Variants in RASEF observed in about 807,000 individuals in gnomAD.
RASEF encodes the protein ras and EF-hand domain-containing protein.
RASEF carries 68 observed loss-of-function variants against 90.1 expected under a neutral mutation model. That is an observed-to-expected ratio of 0.75 (90% CI 0.62 to 0.92). The LOEUF (loss-of-function observed/expected upper bound fraction) is 0.92. Among genes scored for constraint, RASEF ranks in the 40% least tolerant of loss-of-function variants. RASEF has a pLI of 0.00. For synonymous variants in RASEF, 331 were observed against 345.2 expected (o/e 0.96, Z 0.46); for missense variants, 949 against 937.2 (o/e 1.01, Z -0.16).
At position 83,005,511 on chromosome 9, in the gene RASEF, A is replaced by G. The variant is rs1829113349; in HGVS notation, c.1029-11T>C. 6.2e-7 allele frequency: 1 copy of G among 1,603,748 alleles called. No individual in the cohort carries two copies. The highest frequency in any genetic ancestry group is 1.7e-5 in the Admixed American group (1 of 59,980). On this transcript the variant is annotated splice_polypyrimidine_tract_variant and intron_variant, in intron 7 of 16. Coordinates refer to ENST00000376447, the MANE Select transcript of RASEF (RefSeq NM_152573.4). ...TTCCGGTTAGCTGTTCTGCAGGGTAAAGAAACAAGCAGAAAGAGAGACAAG... is the reference window on the plus strand; with the variant it reads ...TTCCGGTTAGCTGTTCTGCAGGGTAGAGAAACAAGCAGAAAGAGAGACAAG...
the RASEF span, among the ~76,000 whole-genome samples, chr9:83,082,451 TTTTA>T: frequency 4.6e-5 from 7 of 152,166 alleles, no homozygotes; most frequent in Non-Finnish European, 1.0e-4. Context: ...ATCTAACTGG[TTTTA>T]TCGTTTGCAC....
chr9:83,207,146 G>T, the RASEF span, among the ~76,000 whole-genome samples: 1 of 151,806 alleles, frequency 6.6e-6, no homozygotes, highest in African/African-American at 2.4e-5. Context: ...TACGGGACGG[G>T]TCATTACTCC....
At chr9:83,139,609 T>TGAG in the RASEF span, among the ~76,000 whole-genome samples, 1 of 152,100 alleles carries the variant, frequency 6.6e-6, no homozygotes, top group African/African-American at 2.4e-5. Context: ...ATGAGTAGGC[T>TGAG]GAGGAGGAGG....
In RASEF at chr9:82,997,040, T is replaced by C. The variant is rs1395934192; in HGVS notation, c.1892A>G (p.Asn631Ser). Residue 631 changes from asparagine to serine, a missense_variant, in exon 14 of 17, where the codon AAC becomes AGC. Physicochemically the swap from Asn to Ser is conservative, Grantham distance 46. This residue lies in a region of RASEF where 288 missense variants were observed against 328.4 expected (regional missense o/e 0.88). Transcript: ENST00000376447. ...AATCATATCTACCCATTCTCGTATG[T>C]TAAGAAAGCTTTTCTCACATGTAAC... ...YDVTCEKSFLNIREWVDMIED... is the reference protein window; with the variant it reads ...YDVTCEKSFLSIREWVDMIED... The C allele has an allele frequency of 3.1e-6, 5 of 1,608,534 alleles. No individual in the cohort carries two copies. In the Admixed American group the frequency reaches 6.7e-5, roughly 21 times the overall value.
At chr9:83,153,515 A>T in the RASEF span, among the ~76,000 whole-genome samples, 5 of 152,230 alleles carry the variant, frequency 3.3e-5, no homozygotes, top group African/African-American at 1.2e-4. Context: ...ATAGAAAGTT[A>T]TCTGAGCCCC....
intron 15 of RASEF, among the ~76,000 whole-genome samples, chr9:82,992,326 T>A (rs892161621): frequency 3.9e-5 from 6 of 152,210 alleles, no homozygotes; most frequent in Non-Finnish European, 8.8e-5. Flanking sequence ...GATGGGAGAA[T>A]AAACACTGCC....
chr9:83,049,249 T>C (rs186844246), intron 1 of RASEF: 2 of 920,368 alleles, frequency 2.2e-6, no homozygotes, highest in African/African-American at 3.6e-5. Flanking sequence ...ACAGCATCAG[T>C]ACATTTCTAA....
the RASEF span, among the ~76,000 whole-genome samples, chr9:83,096,006 A>C: frequency 7.9e-5 from 12 of 152,178 alleles, no homozygotes; most frequent in African/African-American, 2.9e-4. Context: ...AACCACTCAC[A>C]TTGAGATACC....
the RASEF span, among the ~76,000 whole-genome samples, chr9:83,171,115 C>T: frequency 1.6e-4 from 25 of 151,566 alleles, no homozygotes; most frequent in Admixed American, 5.3e-4. Context: ...TAGTTTTTAT[C>T]ATGAAGAGAT....
the RASEF span, among the ~76,000 whole-genome samples, chr9:83,179,780 C>A: frequency 0.022 from 3,342 of 152,012 alleles, 56 homozygotes; most frequent in Non-Finnish European, 0.037. Flanking sequence ...GTATAATATG[C>A]CACCATTTGT....
the RASEF span, among the ~76,000 whole-genome samples, chr9:83,173,113 A>G: frequency 1.3e-5 from 2 of 151,922 alleles, no homozygotes; most frequent in African/African-American, 2.4e-5. Flanking sequence ...GTCTGCTGCC[A>G]GGTATATCAA....
the RASEF span, among the ~76,000 whole-genome samples, chr9:83,087,898 C>T: frequency 3.3e-5 from 5 of 152,070 alleles, no homozygotes; most frequent in African/African-American, 1.2e-4. Flanking sequence ...AAATTCTCTT[C>T]TGCACACTGC....
the RASEF span, among the ~76,000 whole-genome samples, chr9:83,148,756 A>T: frequency 6.6e-6 from 1 of 152,188 alleles, no homozygotes; most frequent in Non-Finnish European, 1.5e-5. Flanking sequence ...TGAATGTAGT[A>T]CCCATTCAAC....
rs1032910641 is a variant in RASEF, at chr9:82,979,883, A to G, written c.*2794T>C. ...CACTGAAGCCGATCACTGTACAAATATGAAAATAAATCTTTATCTTTAACC... is the reference window on the plus strand; with the variant it reads ...CACTGAAGCCGATCACTGTACAAATGTGAAAATAAATCTTTATCTTTAACC... On this transcript the variant is annotated 3_prime_UTR_variant, in exon 17 of 17. Coordinates refer to ENST00000376447, the MANE Select transcript of RASEF (RefSeq NM_152573.4). 3 of 152,216 alleles carry G rather than the reference A, an allele frequency of 2.0e-5. No individual in the cohort carries two copies. Among genetic ancestry groups the G allele is most frequent in the Non-Finnish European group, 4.4e-5 (3 of 68,040 alleles). The allele number at this position is 152,216 out of a possible 1,614,324, so 9.4% of individuals were successfully genotyped here. A position where few individuals can be genotyped will look rare whatever the true frequency, so the allele number is the denominator to read the frequency against.
At chr9:83,088,842 C>A in the RASEF span, among the ~76,000 whole-genome samples, 1 of 151,728 alleles carries the variant, frequency 6.6e-6, no homozygotes, top group African/African-American at 2.4e-5. Context: ...TTATAGATAC[C>A]ATAGAGTTGT....
chr9:83,075,798 G>GA, the RASEF span, among the ~76,000 whole-genome samples: 383 of 147,056 alleles, frequency 2.6e-3, no homozygotes, highest in South Asian at 0.018. Flanking sequence ...TCTATATTTA[G>GA]AAAAAAAAAA....
intron 1 of RASEF, among the ~76,000 whole-genome samples, chr9:83,038,457 G>A (rs1487285149): frequency 2.0e-5 from 3 of 152,020 alleles, no homozygotes; most frequent in Non-Finnish European, 4.4e-5. Context: ...TAACTCTAAA[G>A]ATTACAAGCA....
chr9:83,096,113 C>T, the RASEF span, among the ~76,000 whole-genome samples: 1 of 152,180 alleles, frequency 6.6e-6, no homozygotes, highest in Non-Finnish European at 1.5e-5. Context: ...GGACAACTAG[C>T]TGAGAGGATG....
chr9:83,187,994 TTGAGATAAATAAA>T, the RASEF span, among the ~76,000 whole-genome samples: 1 of 152,172 alleles, frequency 6.6e-6, no homozygotes, highest in Non-Finnish European at 1.5e-5. Context: ...CATATTATTA[TTGAGATAAATAAA>T]TGAGATATAG....
Sources: allele counts gnomAD v4.1 joint callset (sites outside exome capture counted in the v4.1 genomes callset), GRCh38; gene constraint gnomAD v4.1.1; regional missense constraint gnomAD v4.1.1; transcripts MANE v1.5; gene names NCBI Gene and HGNC (gene_info 2026-07-23, HGNC 2026-07-21).